Variants in PDZD2 observed in about 807,000 individuals in gnomAD.
PDZD2 encodes PDZ domain containing 2, also known as PDZ domain-containing protein 2.
PDZD2 carries 90 observed loss-of-function variants against 220.7 expected under a neutral mutation model. The ratio of observed to expected loss-of-function variants is 0.41; its 90% confidence interval spans 0.34 to 0.49. PDZD2 has a LOEUF of 0.49. PDZD2 is among the 20% of genes least tolerant of loss of function. PDZD2 has a pLI of 0.28. For missense variants in PDZD2, 3,174 were observed against 3,608.5 expected (o/e 0.88, Z 3.08); for synonymous variants, 1,375 against 1,450.5 (o/e 0.95, Z 1.18).
chr5:31,776,950 C>T (rs1042470807), intron 1 of PDZD2, among the ~76,000 whole-genome samples: 5 of 152,100 alleles, frequency 3.3e-5, no homozygotes, highest in Non-Finnish European at 5.9e-5. Flanking sequence ...AACGTGCTGG[C>T]GGCCCTCACT....
chr5:31,712,948 T>C lies in PDZD2; in HGVS notation c.-361+73511T>C, dbSNP rs116342889. Among the ~76,000 whole-genome samples, 848 of 152,316 alleles carry C rather than the reference T, an allele frequency of 5.6e-3. 10 individuals carry two copies. Among genetic ancestry groups the C allele is most frequent in the African/African-American group, 0.019 (809 of 41,574 alleles). Reference sequence around the variant, plus strand: ...GAGTGAGATGTACCCAACATGAGCCTTCTTTGTTCCTTGCATTCTGTAGTA... The same window carrying C: ...GAGTGAGATGTACCCAACATGAGCCCTCTTTGTTCCTTGCATTCTGTAGTA... On this transcript the variant is annotated intron_variant, in intron 1 of 24. Transcript: ENST00000438447.
intron 1 of PDZD2, among the ~76,000 whole-genome samples, chr5:31,660,446 A>G (rs1745716776): frequency 6.6e-6 from 1 of 152,120 alleles, no homozygotes; most frequent in Non-Finnish European, 1.5e-5. Flanking sequence ...AAGAGGTTTA[A>G]TTGACTCTCA....
At chr5:32,077,095 T>C (rs1373295626) in intron 18 of PDZD2, among the ~76,000 whole-genome samples, 2 of 152,228 alleles carry the variant, frequency 1.3e-5, no homozygotes, top group African/African-American at 4.8e-5. Flanking sequence ...ACTACCAAAC[T>C]AAGGAGTTAG....
In PDZD2 at chr5:31,849,917, TAC is replaced by T. The variant is rs1313526119; in HGVS notation, c.476+50195_476+50196del. 3.3e-3 allele frequency among the ~76,000 whole-genome samples: 74 copies of T among 22,362 alleles called. 20 individuals are homozygous for T. The highest frequency in any genetic ancestry group is 0.015 in the African/African-American group (60 of 4,064). The allele number at this position is 22,362 out of a possible 152,430, so 14.7% of individuals were successfully genotyped here. On this transcript the variant is annotated intron_variant, in intron 2 of 24. Transcript: ENST00000438447. Reference sequence around the variant, plus strand: ...ATATATATATATACATATATATATATACATATATATATATACACATATATATA... The same window carrying T: ...ATATATATATATACATATATATATATATATATATATATACACATATATATA...
chr5:31,835,833 G>A (rs1756914296), intron 2 of PDZD2, among the ~76,000 whole-genome samples: 1 of 152,114 alleles, frequency 6.6e-6, no homozygotes, highest in South Asian at 2.1e-4. Flanking sequence ...AACACCTAGT[G>A]AAAACTCAAC....
chr5:31,849,907 T>C (rs371563732), intron 2 of PDZD2, among the ~76,000 whole-genome samples: 738 of 23,536 alleles, frequency 0.031, 143 homozygotes, highest in East Asian at 0.093. Flanking sequence ...TATATATACA[T>C]ATATATATAT....
At chr5:32,010,252 A>C in intron 5 of PDZD2, 78 bp from the exon 6 acceptor site, 1 of 983,024 alleles carries the variant, frequency 1.0e-6, no homozygotes, top group Non-Finnish European at 1.5e-6. Context: ...ATGTAGCTTG[A>C]CTGTGCCAGG....
chr5:31,898,953 G>C (rs555636624), intron 2 of PDZD2, among the ~76,000 whole-genome samples: 2 of 149,974 alleles, frequency 1.3e-5, no homozygotes, highest in African/African-American at 4.9e-5. Flanking sequence ...TCAGCCTCCC[G>C]AGTAGCTGGG....
intron 7 of PDZD2, 46 bp downstream of exon 7, chr5:32,037,388 C>A: frequency 9.2e-7 from 1 of 1,090,434 alleles, no homozygotes; most frequent in East Asian, 2.4e-5. Flanking sequence ...GATGAGTTTT[C>A]AGCCTCAGGA....
intron 1 of PDZD2, among the ~76,000 whole-genome samples, chr5:31,740,670 A>G (rs1307404270): frequency 1.3e-5 from 2 of 152,006 alleles, no homozygotes; most frequent in East Asian, 3.9e-4. Flanking sequence ...ACCAATTGAG[A>G]AGTCTATGAT....
intron 1 of PDZD2, among the ~76,000 whole-genome samples, chr5:31,682,776 G>T (rs1002766923): frequency 1.3e-5 from 2 of 151,734 alleles, no homozygotes; most frequent in Non-Finnish European, 2.9e-5. Flanking sequence ...AGCCCTGCAG[G>T]TGAATTTTTA....
At chr5:31,993,871 G>T (rs1751424635) in intron 3 of PDZD2, among the ~76,000 whole-genome samples, 1 of 152,178 alleles carries the variant, frequency 6.6e-6, no homozygotes, top group Admixed American at 6.5e-5. Flanking sequence ...GGACTTGGGG[G>T]AAGTCAACAG....
intron 1 of PDZD2, among the ~76,000 whole-genome samples, chr5:31,769,220 G>T (rs1752204215): frequency 6.6e-6 from 1 of 152,190 alleles, no homozygotes; most frequent in Non-Finnish European, 1.5e-5. Flanking sequence ...CCCGAAGGTG[G>T]CATGAAGCTG....
At chr5:31,848,095 T>C in intron 2 of PDZD2, 1 of 323,514 alleles carries the variant, frequency 3.1e-6, no homozygotes, top group South Asian at 3.6e-5. Context: ...AGAAGAAAGA[T>C]CAGGTAGCTC....
Position 32,087,696 on chromosome 5 carries a change from A to G in PDZD2, c.4248A>G (p.Pro1416=), listed in dbSNP as rs157497. ...GCCATGTCTCGGGGCACTGCTGCCC[A>G]GGGGGGAGTAGAGAGAGCCCTGTGA... is the stretch of plus-strand genomic sequence containing the variant. ...ACGHVSGHCC[P]GGSRESPVTD... Residue 1416 remains proline (P), a synonymous_variant, in exon 20 of 25, where the codon CCA becomes CCG. Coordinates refer to ENST00000438447, the MANE Select transcript of PDZD2 (RefSeq NM_178140.4). This position sits in a 1 kb window ranked among gnomAD's most constrained non-coding sequence, Gnocchi z 4.0. The G allele has an allele frequency of 0.36, 578,041 of 1,613,530 alleles. 109,139 individuals carry two copies. The highest frequency in any genetic ancestry group is 0.65 in the East Asian group (29,163 of 44,836).
At chr5:31,777,602 A>G (rs796875152) in intron 1 of PDZD2, among the ~76,000 whole-genome samples, 4 of 152,232 alleles carry the variant, frequency 2.6e-5, no homozygotes, top group African/African-American at 9.6e-5. Context: ...GGGGACTTGG[A>G]GAACTTTTAT....
intron 2 of PDZD2, among the ~76,000 whole-genome samples, chr5:31,882,945 G>A (rs1269967158): frequency 5.7e-5 from 8 of 140,126 alleles, no homozygotes; most frequent in East Asian, 4.5e-4. Context: ...CACGAGAATC[G>A]CTTGAACCCT....
intron 2 of PDZD2, among the ~76,000 whole-genome samples, chr5:31,932,941 G>A (rs1966053): frequency 0.78 from 117,014 of 150,804 alleles, 45,458 homozygotes; most frequent in Middle Eastern, 0.85. Context: ...ACAGAGTTTC[G>A]CTCTTGTTGC....
intron 1 of PDZD2, among the ~76,000 whole-genome samples, chr5:31,766,791 C>T (rs1023249258): frequency 9.3e-5 from 14 of 150,422 alleles, no homozygotes; most frequent in African/African-American, 3.2e-4. Context: ...AGTGCAATGG[C>T]GCATCTCAGC....
Sources: gnomAD v4.1 joint callset for allele counts (sites outside exome capture counted in the v4.1 genomes callset) on GRCh38, gnomAD v4.1.1 for gene constraint, Gnocchi (gnomAD v3.1) non-coding constraint, MANE v1.5 for transcripts, NCBI Gene and HGNC (gene_info 2026-07-23, HGNC 2026-07-21) for gene names.